Variants in CLINT1 observed in about 807,000 individuals in gnomAD.
The protein encoded by CLINT1 is clathrin interactor 1.
In CLINT1, 15 loss-of-function variants were observed where a neutral mutation model predicts 70.4. That is an observed-to-expected ratio of 0.21 (90% CI 0.14 to 0.33). The LOEUF (loss-of-function observed/expected upper bound fraction) is 0.33, where lower values mean the gene tolerates loss of function less well. Among genes scored for constraint, CLINT1 ranks in the 10% least tolerant of loss-of-function variants. The pLI is 1.00. For missense variants in CLINT1, 615 were observed against 778.1 expected, an observed-to-expected ratio of 0.79 and a Z score of 2.49; for synonymous variants, 227 against 254.7, an observed-to-expected ratio of 0.89 and a Z score of 1.04.
intron 2 of CLINT1, among the ~76,000 whole-genome samples, 199 bp downstream of exon 2, chr5:157,817,244 T>C (rs1283237280): frequency 2.6e-5 from 4 of 152,156 alleles, no homozygotes; most frequent in African/African-American, 9.6e-5. Flanking sequence ...AGTTTCTTTT[T>C]TGAGCCAAAT....
intron 1 of CLINT1, among the ~76,000 whole-genome samples, chr5:157,840,872 C>T (rs1164460058): frequency 6.6e-6 from 1 of 151,842 alleles, no homozygotes; most frequent in Non-Finnish European, 1.5e-5. Flanking sequence ...AGCGAGACCC[C>T]ATCTCTTTAA....
chr5:157,796,172 T>C (rs916474047), intron 8 of CLINT1: 3 of 152,242 alleles, frequency 2.0e-5, no homozygotes, highest in African/African-American at 7.2e-5. Flanking sequence ...GTATTTTTAA[T>C]GCATGGGAAA....
chr5:157,794,989 A>G lies in CLINT1; in HGVS notation c.1013-17T>C. The G allele has an allele frequency of 1.3e-6, 2 of 1,546,038 alleles. No individual in the cohort carries two copies. Among genetic ancestry groups the G allele is most frequent in the Non-Finnish European group, 1.8e-6 (2 of 1,141,986 alleles). On this transcript the variant is annotated splice_polypyrimidine_tract_variant and intron_variant, in intron 8 of 11. Coordinates refer to ENST00000411809, the MANE Select transcript of CLINT1 (RefSeq NM_014666.4). ...CTGATCCTCCTAGAAGTTAAGAAAA[A>G]GTTAAAACTGTTAGAACTAGAGAAA...
chr5:157,803,731 C>G lies in CLINT1; in HGVS notation c.943-12G>C. The G allele has an allele frequency of 1.3e-6, 2 of 1,542,046 alleles. No individual in the cohort carries two copies. The highest frequency in any genetic ancestry group is 1.8e-6 in the Non-Finnish European group (2 of 1,135,340). The stretch of plus-strand genomic sequence containing the variant: ...CTAGGCACTGAAGTCTGAAAACACA[C>G]ACATAACTCAGGAGCTTCGAAAAGT... On this transcript the variant is annotated splice_polypyrimidine_tract_variant and intron_variant, in intron 7 of 11. Transcript: ENST00000411809.
chr5:157,830,870 T>A (rs1374787496), intron 1 of CLINT1, among the ~76,000 whole-genome samples: 1 of 146,882 alleles, frequency 6.8e-6, no homozygotes, highest in Non-Finnish European at 1.5e-5. Context: ...TACAAAAGAT[T>A]TCTAAAAATT....
intron 8 of CLINT1, among the ~76,000 whole-genome samples, chr5:157,802,604 G>A (rs897227535): frequency 1.1e-4 from 16 of 150,310 alleles, no homozygotes; most frequent in African/African-American, 3.7e-4. Flanking sequence ...GGAGTGCAAT[G>A]GCGCAATCTC....
At chr5:157,794,863 A>T (rs1465960720) in intron 9 of CLINT1, 35 bp downstream of exon 9, 1 of 1,508,202 alleles carries the variant, frequency 6.6e-7, no homozygotes, top group Admixed American at 2.0e-5. Context: ...CCTTTTTACC[A>T]CCCTAGACTT....
intron 8 of CLINT1, among the ~76,000 whole-genome samples, chr5:157,801,050 C>CT: frequency 6.6e-6 from 1 of 152,214 alleles, no homozygotes; most frequent in African/African-American, 2.4e-5. Context: ...CCAGTTAATT[C>CT]TACAGTTCAA....
intron 1 of CLINT1, among the ~76,000 whole-genome samples, chr5:157,838,175 T>G (rs1581532214): frequency 6.9e-6 from 1 of 145,476 alleles, no homozygotes; most frequent in South Asian, 2.2e-4. Flanking sequence ...GGGGCTGGAG[T>G]GCAGTGGCAC....
intron 1 of CLINT1, among the ~76,000 whole-genome samples, chr5:157,840,275 T>C (rs1243249233): frequency 6.8e-6 from 1 of 147,112 alleles, no homozygotes; most frequent in Non-Finnish European, 1.5e-5. Flanking sequence ...AAAAACTGAC[T>C]TGTAGTTTCC....
intron 1 of CLINT1, among the ~76,000 whole-genome samples, chr5:157,822,822 A>G (rs2113235324): frequency 6.6e-6 from 1 of 152,336 alleles, no homozygotes; most frequent in East Asian, 1.9e-4. Flanking sequence ...AATTAACAAG[A>G]AAAAACTTGA....
intron 11 of CLINT1, among the ~76,000 whole-genome samples, chr5:157,788,298 A>G (rs1224194332): frequency 2.0e-5 from 3 of 152,220 alleles, no homozygotes. Flanking sequence ...GTCAAGAGCT[A>G]GTGTGTATAA....
chr5:157,839,837 T>A (rs1003415138), intron 1 of CLINT1, among the ~76,000 whole-genome samples: 1 of 151,174 alleles, frequency 6.6e-6, no homozygotes, highest in Non-Finnish European at 1.5e-5. Context: ...AAACCAGGAG[T>A]CCTCAGAGAA....
In CLINT1 at chr5:157,794,880, A is replaced by G; in HGVS notation, c.1087+18T>C. The G allele has an allele frequency of 6.5e-7, 1 of 1,549,942 alleles. No individual in the cohort carries two copies. Among genetic ancestry groups the G allele is most frequent in the Non-Finnish European group, 8.7e-7 (1 of 1,144,174 alleles). ...TTTTTACCACCCTAGACTTCTGGCC[A>G]ATCAAATTGAATCATACCTTGGGAA... On this transcript the variant is annotated intron_variant, in intron 9 of 11. Transcript: ENST00000411809.
At chr5:157,856,146 CT>C (rs768206705) in intron 1 of CLINT1, among the ~76,000 whole-genome samples, 2 of 152,204 alleles carry the variant, frequency 1.3e-5, no homozygotes, top group African/African-American at 4.8e-5. Context: ...TTGATTACCA[CT>C]TTTTAAGAAA....
intron 8 of CLINT1, among the ~76,000 whole-genome samples, chr5:157,796,701 C>T (rs898014996): frequency 1.9e-4 from 29 of 152,156 alleles, no homozygotes; most frequent in African/African-American, 6.8e-4. Flanking sequence ...CTACACTCAA[C>T]TGGGTTAATT....
intron 1 of CLINT1, among the ~76,000 whole-genome samples, chr5:157,839,158 G>A (rs946915639): frequency 2.6e-5 from 4 of 152,200 alleles, no homozygotes; most frequent in Non-Finnish European, 2.9e-5. Context: ...GAGCCCAGGA[G>A]GTCAAGGCTA....
chr5:157,858,686 G>A (rs548721075), intron 1 of CLINT1, among the ~76,000 whole-genome samples: 1 of 152,350 alleles, frequency 6.6e-6, no homozygotes, highest in East Asian at 1.9e-4. Flanking sequence ...GGAAGGGACG[G>A]GAAGGCCTGG....
chr5:157,809,816 C>T lies in CLINT1; in HGVS notation c.518-11G>A, dbSNP rs1368409303. ...GATCATATCTTTCACCTAGATAGAG[C>T]ATTAAAAAAAGAAGCAATTCTAACG... On this transcript the variant is annotated splice_polypyrimidine_tract_variant and intron_variant, in intron 5 of 11. Transcript: ENST00000411809. The T allele has an allele frequency of 1.2e-6, 2 of 1,601,546 alleles. No individual in the cohort carries two copies. The highest frequency in any genetic ancestry group is 1.7e-5 in the Admixed American group (1 of 57,382).
Sources: gnomAD v4.1 joint callset for allele counts (sites outside exome capture counted in the v4.1 genomes callset) on GRCh38, gnomAD v4.1.1 for gene constraint, MANE v1.5 for transcripts, NCBI Gene and HGNC (gene_info 2026-07-23, HGNC 2026-07-21) for gene names.